RARB: variants seen among roughly 807,000 people sequenced by gnomAD.
RARB encodes the protein retinoic acid receptor beta, also known as HBV-activated protein.
RARB carries 17 observed loss-of-function variants against 51.9 expected under a neutral mutation model. That is an observed-to-expected ratio of 0.33 (90% CI 0.22 to 0.49). The LOEUF (loss-of-function observed/expected upper bound fraction) is 0.49, where lower values mean the gene tolerates loss of function less well. Among genes scored for constraint, RARB ranks in the 20% least tolerant of loss-of-function variants. The pLI is 0.99. For synonymous variants in RARB, 215 were observed against 195.4 expected, an observed-to-expected ratio of 1.10 and a Z score of -0.84; for missense variants, 369 against 550.8, an observed-to-expected ratio of 0.67 and a Z score of 3.30.
At chr3:25,024,978 A>T in intron 2 of RARB, 1 of 149,124 alleles carries the variant, frequency 6.7e-6, no homozygotes, top group African/African-American at 2.5e-5. Context: ...AAAAAAAAGG[A>T]AATTTAAAAA....
At chr3:24,846,774 C>G (rs1481008545) in intron 1 of RARB, among the ~76,000 whole-genome samples, 1 of 151,660 alleles carries the variant, frequency 6.6e-6, no homozygotes, top group African/African-American at 2.4e-5. Flanking sequence ...AGTGAGAGCA[C>G]TTTCTAATCT....
intron 2 of RARB, among the ~76,000 whole-genome samples, chr3:25,041,152 A>T (rs1438673952): frequency 6.6e-6 from 1 of 152,200 alleles, no homozygotes; most frequent in African/African-American, 2.4e-5. Flanking sequence ...ATTTAATAAC[A>T]AAAGTGTCTG....
At chr3:25,093,619 C>T (rs1699241292) in intron 3 of RARB, among the ~76,000 whole-genome samples, 1 of 152,088 alleles carries the variant, frequency 6.6e-6, no homozygotes, top group South Asian at 2.1e-4. Context: ...CTGGAGGTCA[C>T]AGGTTTGCAA....
At chr3:25,421,645 C>G (rs1313174175) in intron 5 of RARB, among the ~76,000 whole-genome samples, 1 of 151,968 alleles carries the variant, frequency 6.6e-6, no homozygotes, top group Non-Finnish European at 1.5e-5. Context: ...ACCTGGTGAT[C>G]CTCCTGCCTC....
intron 5 of RARB, among the ~76,000 whole-genome samples, chr3:25,184,207 A>T (rs956824127): frequency 1.3e-5 from 2 of 151,996 alleles, no homozygotes; most frequent in African/African-American, 4.8e-5. Context: ...ACTGCTTTTC[A>T]ATGAGAATGT....
At chr3:25,265,790 C>A (rs886248440) in intron 5 of RARB, among the ~76,000 whole-genome samples, 1 of 152,074 alleles carries the variant, frequency 6.6e-6, no homozygotes, top group Non-Finnish European at 1.5e-5. Context: ...TTTAATCTTA[C>A]AATTCTGAAG....
intron 2 of RARB, among the ~76,000 whole-genome samples, chr3:25,477,771 C>T (rs888418931): frequency 9.2e-5 from 14 of 152,184 alleles, no homozygotes; most frequent in East Asian, 1.9e-4. Flanking sequence ...AACAAACCAT[C>T]GCAAATCTTA....
At chr3:25,003,400 T>G (rs1697207648) in intron 2 of RARB, among the ~76,000 whole-genome samples, 1 of 152,132 alleles carries the variant, frequency 6.6e-6, no homozygotes, top group Admixed American at 6.6e-5. Flanking sequence ...GTCTATTTTA[T>G]TATTAAATAA....
chr3:25,207,705 CA>C (rs1417605808), intron 5 of RARB, among the ~76,000 whole-genome samples: 1 of 152,090 alleles, frequency 6.6e-6, no homozygotes, highest in Non-Finnish European at 1.5e-5. Context: ...TAACATACCC[CA>C]AGTAGTTAGA....
chr3:24,998,515 C>T (rs1203299091), intron 2 of RARB, among the ~76,000 whole-genome samples: 2 of 151,828 alleles, frequency 1.3e-5, no homozygotes, highest in Non-Finnish European at 2.9e-5. Context: ...GGAGTTTTTG[C>T]AGTATTCCTT....
chr3:24,929,808 T>G (rs1195822826), intron 2 of RARB, among the ~76,000 whole-genome samples: 1 of 152,124 alleles, frequency 6.6e-6, no homozygotes, highest in East Asian at 1.9e-4. Flanking sequence ...TGCTGCTACA[T>G]AGGCTGCTGT....
intron 2 of RARB, among the ~76,000 whole-genome samples, chr3:24,927,997 T>C (rs1473657764): frequency 2.0e-5 from 3 of 152,198 alleles, no homozygotes; most frequent in African/African-American, 4.8e-5. Context: ...GATTGCTTTA[T>C]TGTTGGATCT....
intron 5 of RARB, among the ~76,000 whole-genome samples, chr3:25,256,978 C>G (rs964903361): frequency 9.9e-5 from 15 of 152,040 alleles, no homozygotes; most frequent in African/African-American, 3.6e-4. Flanking sequence ...CCCAAAATAT[C>G]ATACGATAAG....
intron 5 of RARB, among the ~76,000 whole-genome samples, chr3:25,357,918 G>A (rs569967662): frequency 6.6e-6 from 1 of 152,248 alleles, no homozygotes; most frequent in East Asian, 1.9e-4. Flanking sequence ...TAGCCTTGTA[G>A]TATAGTTTGA....
intron 5 of RARB, among the ~76,000 whole-genome samples, chr3:25,329,926 T>C (rs994712345): frequency 4.6e-5 from 7 of 151,924 alleles, no homozygotes; most frequent in Non-Finnish European, 8.8e-5. Context: ...TGATTGAAGA[T>C]CAAATGAATG....
chr3:25,271,073 T>C (rs1163029412), intron 5 of RARB, among the ~76,000 whole-genome samples: 2 of 152,222 alleles, frequency 1.3e-5, no homozygotes, highest in Admixed American at 6.5e-5. Flanking sequence ...GGCATTAGCA[T>C]TGGCAATTAG....
intron 5 of RARB, among the ~76,000 whole-genome samples, chr3:25,204,839 G>C (rs1012940521): frequency 6.6e-6 from 1 of 152,188 alleles, no homozygotes; most frequent in Non-Finnish European, 1.5e-5. Flanking sequence ...GCCCCTACTT[G>C]GGGGTGCCTG....
At chr3:25,194,926 G>C (rs1001316586) in intron 5 of RARB, among the ~76,000 whole-genome samples, 1 of 151,890 alleles carries the variant, frequency 6.6e-6, no homozygotes, top group Non-Finnish European at 1.5e-5. Flanking sequence ...GCTTGAAAGA[G>C]TATGGTGGAA....
chr3:24,929,692 C>T (rs1695399809), intron 2 of RARB, among the ~76,000 whole-genome samples: 1 of 151,952 alleles, frequency 6.6e-6, no homozygotes, highest in Non-Finnish European at 1.5e-5. Flanking sequence ...AATTCTTATT[C>T]CTCTCTACTT....
Sources: gnomAD v4.1 joint callset for allele counts (sites outside exome capture counted in the v4.1 genomes callset) on GRCh38, gnomAD v4.1.1 for gene constraint, MANE v1.5 for transcripts, NCBI Gene and HGNC (gene_info 2026-07-23, HGNC 2026-07-21) for gene names.